The following DPP10 variants were observed in gnomAD, a reference collection of about 807,000 sequenced individuals.
The protein encoded by DPP10 is inactive dipeptidyl peptidase 10.
Under a neutral mutation model 120.9 loss-of-function variants are expected in DPP10, and 33 were observed. The observed-to-expected ratio is 0.27, with a 90% CI of 0.21 to 0.37. DPP10 has a LOEUF of 0.37. DPP10 is among the 10% of genes least tolerant of loss of function. The pLI is 1.00. For synonymous variants in DPP10, 337 were observed against 326.1 expected (o/e 1.03, Z -0.36); for missense variants, 816 against 942.8 (o/e 0.87, Z 1.76).
chr2:115,011,972 T>C (rs1434015089), intron 1 of DPP10, among the ~76,000 whole-genome samples: 1 of 152,106 alleles, frequency 6.6e-6, no homozygotes, highest in Non-Finnish European at 1.5e-5. Context: ...CCTTTAGGAC[T>C]GCAGGCTGCT....
At chr2:115,075,625 T>A (rs1009429246) in intron 1 of DPP10, among the ~76,000 whole-genome samples, 1 of 152,160 alleles carries the variant, frequency 6.6e-6, no homozygotes, top group Non-Finnish European at 1.5e-5. Flanking sequence ...CTTGAATCTC[T>A]GATAGCAGTT....
At chr2:114,689,099 C>T (rs766862298) in intron 1 of DPP10, among the ~76,000 whole-genome samples, 11 of 151,426 alleles carry the variant, frequency 7.3e-5, no homozygotes, top group East Asian at 1.9e-4. Context: ...TTAAGTTCAG[C>T]GGTACATGTG....
chr2:115,065,312 A>G (rs1016461975), intron 1 of DPP10, among the ~76,000 whole-genome samples: 8 of 152,120 alleles, frequency 5.3e-5, no homozygotes, highest in Non-Finnish European at 1.2e-4. Context: ...TTTTAAAATG[A>G]CCACTGCTTA....
At chr2:115,416,020 A>C (rs1051498279) in intron 3 of DPP10, among the ~76,000 whole-genome samples, 1 of 151,884 alleles carries the variant, frequency 6.6e-6, no homozygotes, top group Admixed American at 6.6e-5. Flanking sequence ...CACAAATTTG[A>C]AAGCAAAACA....
intron 2 of DPP10, among the ~76,000 whole-genome samples, chr2:115,315,643 G>A (rs577078186): frequency 2.0e-5 from 3 of 152,070 alleles, no homozygotes; most frequent in East Asian, 3.9e-4. Flanking sequence ...TGTAAACATC[G>A]GCATCAATCA....
At chr2:115,781,712 A>G (rs1345419962) in intron 16 of DPP10, among the ~76,000 whole-genome samples, 1 of 151,908 alleles carries the variant, frequency 6.6e-6, no homozygotes, top group African/African-American at 2.4e-5. Flanking sequence ...TTCTCTTGAT[A>G]TATGAAATGA....
At chr2:114,807,297 TG>T (rs1325576161) in intron 1 of DPP10, among the ~76,000 whole-genome samples, 1 of 152,138 alleles carries the variant, frequency 6.6e-6, no homozygotes, top group African/African-American at 2.4e-5. Flanking sequence ...TGTATGTATT[TG>T]GGGGGTACGT....
At chr2:115,577,852 A>G (rs1169074845) in intron 5 of DPP10, among the ~76,000 whole-genome samples, 1 of 152,138 alleles carries the variant, frequency 6.6e-6, no homozygotes, top group African/African-American at 2.4e-5. Flanking sequence ...ATTTCATTTT[A>G]ACTTACTTTT....
Position 114,923,235 on chromosome 2 carries a change from G to A in DPP10, c.61-386004G>A, listed in dbSNP as rs147725142. ...GTGTCACTCTGTCACCCAGGCTGGA[G>A]TGCAGTGGCGCAATCTGAGCTCACT... is the stretch of plus-strand genomic sequence containing the variant. On this transcript the variant is annotated intron_variant, in intron 1 of 25. Coordinates refer to ENST00000410059, the MANE Select transcript of DPP10 (RefSeq NM_020868.6). Among the ~76,000 whole-genome samples the A allele has an allele frequency of 7.4e-3, 1,101 of 149,290 alleles. 13 individuals carry two copies. Among genetic ancestry groups the A allele is most frequent in the African/African-American group, 0.026 (1,043 of 40,530 alleles).
intron 5 of DPP10, among the ~76,000 whole-genome samples, chr2:115,546,397 C>G (rs1474607773): frequency 2.0e-5 from 3 of 152,164 alleles, no homozygotes; most frequent in Admixed American, 6.6e-5. Context: ...TGTCCTCAAT[C>G]TGGAGAAATC....
intron 1 of DPP10, among the ~76,000 whole-genome samples, chr2:115,216,427 A>AT (rs1398051565): frequency 6.6e-6 from 1 of 152,172 alleles, no homozygotes; most frequent in Non-Finnish European, 1.5e-5. Context: ...TCAGTGACTG[A>AT]TTTTATAAAC....
At chr2:115,312,144 A>G (rs2061604688) in intron 2 of DPP10, among the ~76,000 whole-genome samples, 1 of 152,168 alleles carries the variant, frequency 6.6e-6, no homozygotes, top group Non-Finnish European at 1.5e-5. Context: ...TATTATTGGT[A>G]GGGACATTAT....
chr2:115,245,541 TAGTATAGCCAC>T (rs2058496059), intron 1 of DPP10, among the ~76,000 whole-genome samples: 1 of 152,142 alleles, frequency 6.6e-6, no homozygotes, highest in African/African-American at 2.4e-5. Flanking sequence ...AAATGTAAAC[TAGTATAGCCAC>T]TGTGGAAAAC....
intron 1 of DPP10, among the ~76,000 whole-genome samples, chr2:115,098,635 G>C (rs1377676090): frequency 6.6e-6 from 1 of 151,762 alleles, no homozygotes; most frequent in African/African-American, 2.4e-5. Context: ...TTGTATAGGC[G>C]GCCCATCATT....
chr2:115,800,185 G>A (rs1685027059), intron 19 of DPP10, among the ~76,000 whole-genome samples: 2 of 151,878 alleles, frequency 1.3e-5, no homozygotes, highest in African/African-American at 4.9e-5. Flanking sequence ...CTGATGGCCA[G>A]TGATGATGAG....
chr2:114,490,908 A>G (rs1681939580), intron 1 of DPP10, among the ~76,000 whole-genome samples: 1 of 152,202 alleles, frequency 6.6e-6, no homozygotes, highest in South Asian at 2.1e-4. Flanking sequence ...TTATTGTGAT[A>G]TTAATGCTGC....
chr2:115,037,270 G>A (rs369438997), intron 1 of DPP10, among the ~76,000 whole-genome samples: 3 of 152,176 alleles, frequency 2.0e-5, no homozygotes, highest in African/African-American at 7.2e-5. Flanking sequence ...CGTGAAAGGA[G>A]GAGAGAAACA....
At chr2:115,158,246 A>T (rs1415376647) in intron 1 of DPP10, among the ~76,000 whole-genome samples, 1 of 152,218 alleles carries the variant, frequency 6.6e-6, no homozygotes, top group African/African-American at 2.4e-5. Context: ...CTATAACGAT[A>T]ATCTTCAATT....
rs866745193 is a variant in DPP10 at position 115,535,527 on chromosome 2, A to G, written c.441+9555A>G. On this transcript the variant is annotated intron_variant, in intron 5 of 25. Coordinates refer to ENST00000410059, the MANE Select transcript of DPP10 (RefSeq NM_020868.6). ...TTTGGTTACTGTAGCCTTGTAGTAT[A>G]GTTTGAAGTCAGGTAGTGTGATGCC... Among the ~76,000 whole-genome samples, 60 of 151,212 alleles carry G rather than the reference A, an allele frequency of 4.0e-4. 1 individual carries two copies. Among genetic ancestry groups the G allele is most frequent in the African/African-American group, 1.4e-3 (57 of 41,350 alleles).
Sources: gnomAD v4.1 joint callset for allele counts (sites outside exome capture counted in the v4.1 genomes callset) on GRCh38, gnomAD v4.1.1 for gene constraint, MANE v1.5 for transcripts, NCBI Gene and HGNC (gene_info 2026-07-23, HGNC 2026-07-21) for gene names.